Variants in ADCY10 observed in about 807,000 individuals in gnomAD.
ADCY10 encodes adenylate cyclase 10.
ADCY10 carries 156 observed loss-of-function variants against 183.3 expected under a neutral mutation model. The ratio of observed to expected loss-of-function variants is 0.85; its 90% confidence interval spans 0.75 to 0.97. ADCY10 has a LOEUF of 0.97. Among genes scored for constraint, ADCY10 ranks in the 50% least tolerant of loss-of-function variants. ADCY10 has a pLI of 0.00. For synonymous variants in ADCY10, 645 were observed against 670.0 expected, an observed-to-expected ratio of 0.96 and a Z score of 0.58; for missense variants, 1,745 against 1,934.3, an observed-to-expected ratio of 0.90 and a Z score of 1.84.
intron 31 of ADCY10, 57 bp downstream of exon 31, chr1:167,818,015 T>C (rs772506052): frequency 6.7e-7 from 1 of 1,502,610 alleles, no homozygotes. Context: ...GCACAGGAAG[T>C]AGACAGAGAT....
At position 167,833,744 on chromosome 1, in the gene ADCY10, C is replaced by CA. The variant is rs539820019; in HGVS notation, c.3417+225dup. On this transcript the variant is annotated intron_variant, in intron 24 of 32. Coordinates refer to ENST00000367851, the MANE Select transcript of ADCY10 (RefSeq NM_018417.6). ...TGGGCAACACAGCAAGACTCCCTCT[C>CA]AAAAAAAAAAAAAAAAAAAGATGTA... 0.08 allele frequency among the ~76,000 whole-genome samples: 7,818 copies of CA among 98,284 alleles called. 316 individuals are homozygous for CA. The highest frequency in any genetic ancestry group is 0.12 in the African/African-American group (3,675 of 29,422). 64.5% of individuals were successfully genotyped at this position (98,284 alleles called of 152,430 possible). A position where few individuals can be genotyped will look rare whatever the true frequency, so the allele number is the denominator to read the frequency against.
chr1:167,862,594 T>G (rs1666363672), intron 14 of ADCY10, among the ~76,000 whole-genome samples: 1 of 152,172 alleles, frequency 6.6e-6, no homozygotes, highest in African/African-American at 2.4e-5. Context: ...TTGTAGTACT[T>G]TTTTACAGAG....
chr1:167,880,289 G>T, intron 10 of ADCY10, 98 bp from the exon 11 acceptor site: 2 of 1,194,386 alleles, frequency 1.7e-6, no homozygotes, highest in South Asian at 2.6e-5. Flanking sequence ...TTGGGAAAGG[G>T]TGGGAAAGGA....
chr1:167,879,684 A>G (rs575792493), intron 11 of ADCY10, among the ~76,000 whole-genome samples: 3 of 152,340 alleles, frequency 2.0e-5, no homozygotes, highest in South Asian at 2.1e-4. Flanking sequence ...GATAGGATGG[A>G]AAAGGGAAGT....
At position 167,856,455 on chromosome 1, in the gene ADCY10, A is replaced by G. The variant is rs766238234; in HGVS notation, c.1897-16T>C. Reference sequence around the variant, plus strand: ...CTTTCACTATCTGGACAAGATGCAGAAAGAGAAAGAGAAACACCATAGGAC... The same window carrying G: ...CTTTCACTATCTGGACAAGATGCAGGAAGAGAAAGAGAAACACCATAGGAC... On this transcript the variant is annotated splice_polypyrimidine_tract_variant and intron_variant, in intron 16 of 32. Transcript: ENST00000367851. The G allele has an allele frequency of 6.8e-6, 11 of 1,613,776 alleles. No individual in the cohort carries two copies. In the South Asian group the frequency reaches 1.2e-4, roughly 18 times the overall value.
intron 13 of ADCY10, 27 bp downstream of exon 13, chr1:167,875,104 A>G (rs748706869): frequency 1.2e-6 from 2 of 1,601,412 alleles, no homozygotes; most frequent in South Asian, 2.2e-5. Context: ...TCAATAAAGA[A>G]GTTTAAAATC....
intron 21 of ADCY10, among the ~76,000 whole-genome samples, chr1:167,841,208 C>A (rs1664611079): frequency 6.6e-6 from 1 of 152,094 alleles, no homozygotes; most frequent in African/African-American, 2.4e-5. Flanking sequence ...TCCCAAAGTG[C>A]TGGGATTACA....
intron 23 of ADCY10, among the ~76,000 whole-genome samples, chr1:167,835,339 C>T (rs1351016216): frequency 6.6e-6 from 1 of 152,128 alleles, no homozygotes; most frequent in Non-Finnish European, 1.5e-5. Context: ...TATCAAAGGC[C>T]CTGAAGTATC....
intron 14 of ADCY10, among the ~76,000 whole-genome samples, chr1:167,869,650 T>C (rs6658052): frequency 0.36 from 54,539 of 151,882 alleles, 10,380 homozygotes; most frequent in East Asian, 0.59. Context: ...TTGTGAAATC[T>C]CTCGTTCTGT....
At chr1:167,889,928 G>A (rs1177754355) in intron 8 of ADCY10, among the ~76,000 whole-genome samples, 1 of 152,002 alleles carries the variant, frequency 6.6e-6, no homozygotes, top group East Asian at 1.9e-4. Flanking sequence ...TTTCTCTTCT[G>A]TTCTTAGTTA....
intron 26 of ADCY10, among the ~76,000 whole-genome samples, chr1:167,826,727 G>A (rs1226717969): frequency 6.6e-6 from 1 of 152,194 alleles, no homozygotes. Flanking sequence ...AAGGGAGAGA[G>A]ACCAAGAACC....
At chr1:167,822,941 CT>C in intron 29 of ADCY10, 66 bp downstream of exon 29, 1 of 1,393,962 alleles carries the variant, frequency 7.2e-7, no homozygotes, top group Non-Finnish European at 1.0e-6. Flanking sequence ...AACCTGAGAG[CT>C]GCCACACCAC....
Position 167,909,929 on chromosome 1 carries a change from C to T in ADCY10, c.-59+4047G>A, listed in dbSNP as rs149157427. ...TGAAGTCAGTGGCAAGACCAGCCGG[C>T]GCCACTGATGACCAGGTCTGAGGTT... On this transcript the variant is annotated intron_variant, in intron 1 of 32. Coordinates refer to ENST00000367851, the MANE Select transcript of ADCY10 (RefSeq NM_018417.6). 4.0e-3 allele frequency among the ~76,000 whole-genome samples: 607 copies of T among 150,148 alleles called. 3 individuals are homozygous for T. The highest frequency in any genetic ancestry group is 0.014 in the African/African-American group (563 of 40,098).
chr1:167,872,874 A>C (rs1036880116), intron 13 of ADCY10, among the ~76,000 whole-genome samples: 1 of 151,614 alleles, frequency 6.6e-6, no homozygotes, highest in Admixed American at 6.6e-5. Context: ...GTTCAAGACC[A>C]GCCTGGCCAA....
At chr1:167,887,441 A>G (rs1668302453) in intron 8 of ADCY10, among the ~76,000 whole-genome samples, 2 of 152,314 alleles carry the variant, frequency 1.3e-5, no homozygotes, top group Admixed American at 6.5e-5. Context: ...AAACTATCAC[A>G]AGGATAGAAA....
At chr1:167,885,376 A>C (rs1668150294) in intron 8 of ADCY10, among the ~76,000 whole-genome samples, 1 of 152,232 alleles carries the variant, frequency 6.6e-6, no homozygotes, top group African/African-American at 2.4e-5. Flanking sequence ...CTGTTCTCCA[A>C]GGTGGCTGTG....
intron 13 of ADCY10, among the ~76,000 whole-genome samples, chr1:167,871,986 G>A (rs1159881821): frequency 6.6e-6 from 1 of 152,106 alleles, no homozygotes; most frequent in African/African-American, 2.4e-5. Context: ...AAACCTGCAC[G>A]TTGTGCATTG....
In ADCY10 at chr1:167,903,912, G is replaced by A; in HGVS notation, c.228C>T (p.Asn76=). Residue 76 remains asparagine (N), a synonymous_variant, in exon 3 of 33, where the codon AAC becomes AAT. Coordinates refer to ENST00000367851, the MANE Select transcript of ADCY10 (RefSeq NM_018417.6). Reference sequence around the variant, plus strand: ...TCTCCACTATTGCACTTATGTGGTAGTTGAGGATCTCCACCAACTGCTCAG... The same window carrying A: ...TCTCCACTATTGCACTTATGTGGTAATTGAGGATCTCCACCAACTGCTCAG... ...RGAEQLVEIL[N]YHISAIVEKV... 6.2e-7 allele frequency: 1 copy of A among 1,613,318 alleles called. No individual in the cohort carries two copies. Among genetic ancestry groups the A allele is most frequent in the Non-Finnish European group, 8.5e-7 (1 of 1,179,344 alleles).
Position 167,830,576 on chromosome 1 carries a change from T to G in ADCY10, c.3594-1153A>C, listed in dbSNP as rs371257218. Reference sequence around the variant, plus strand: ...CTGGCTAATTATTTTGTGTTTTTGGTAGAGATGGGGTTTCGCCATGTTGGC... The same window carrying G: ...CTGGCTAATTATTTTGTGTTTTTGGGAGAGATGGGGTTTCGCCATGTTGGC... On this transcript the variant is annotated intron_variant, in intron 25 of 32. Coordinates refer to ENST00000367851, the MANE Select transcript of ADCY10 (RefSeq NM_018417.6). 1.1e-4 allele frequency among the ~76,000 whole-genome samples: 16 copies of G among 152,204 alleles called. No individual in the cohort carries two copies. The East Asian group carries it at 3.1e-3, about 29-fold the overall frequency.
Sources: gnomAD v4.1 joint callset for allele counts (sites outside exome capture counted in the v4.1 genomes callset) on GRCh38, gnomAD v4.1.1 for gene constraint, MANE v1.5 for transcripts, NCBI Gene and HGNC (gene_info 2026-07-23, HGNC 2026-07-21) for gene names.